The following MYO1C variants were observed in gnomAD, a reference collection of about 807,000 sequenced individuals.
The protein encoded by MYO1C is myosin IC.
A neutral mutation model predicts 150.8 loss-of-function variants in MYO1C; 104 were observed. The ratio of observed to expected loss-of-function variants is 0.69; its 90% CI spans 0.59 to 0.81. The LOEUF (loss-of-function observed/expected upper bound fraction) is 0.81. Among genes scored for constraint, MYO1C ranks in the 30% least tolerant of loss-of-function variants. MYO1C has a pLI of 0.00. For synonymous variants in MYO1C, 663 were observed against 579.9 expected, an observed-to-expected ratio of 1.14 and a Z score of -2.06; for missense variants, 1,504 against 1,435.0, an observed-to-expected ratio of 1.05 and a Z score of -0.78.
chr17:1,465,551 G>T lies in MYO1C; in HGVS notation c.*175C>A. 1.5e-6 allele frequency: 1 copy of T among 666,704 alleles called. No individual in the cohort carries two copies. Among genetic ancestry groups the T allele is most frequent in the Non-Finnish European group, 2.2e-6 (1 of 446,896 alleles). The allele number at this position is 666,704 out of a possible 1,614,324, so 41.3% of individuals were successfully genotyped here. ...CCCGGCCTGGCCCACTCCTGGGGTAGCTCCTGGCCCCTGCTGCTCCCTCAA... is the reference window on the plus strand; with the variant it reads ...CCCGGCCTGGCCCACTCCTGGGGTATCTCCTGGCCCCTGCTGCTCCCTCAA... On this transcript the variant is annotated 3_prime_UTR_variant, in exon 32 of 32. Coordinates refer to ENST00000648651, the MANE Select transcript of MYO1C (RefSeq NM_001080779.2).
At position 1,471,312 on chromosome 17, in the gene MYO1C, C is replaced by T. The variant is rs757819967; in HGVS notation, c.2046G>A (p.Thr682=). ...GCGGCCGTCCTGCCCACGTGGGCCA[C>T]GTCTCTGGGCACAGTGACTTGTACC... The part of the protein sequence containing the change: ...LQRYKSLCPE[T]WPTWAGRPQD... The change falls in exon 20 of 32, where the codon ACG becomes ACA. Residue 682 remains threonine (T), a synonymous_variant. Coordinates refer to ENST00000648651, the MANE Select transcript of MYO1C (RefSeq NM_001080779.2). 16 of 1,613,794 alleles carry T rather than the reference C, an allele frequency of 9.9e-6. No homozygotes were observed. Among genetic ancestry groups the T allele is most frequent in the South Asian group, 7.7e-5 (7 of 91,088 alleles).
In MYO1C at chr17:1,472,039, G is replaced by A; in HGVS notation, c.1904-15C>T. ...GTCAAAGCGGCCTGGGGTAGGGGGA[G>A]CGCCGTGGTCAGCGGGCTGGCGCTG... On this transcript the variant is annotated splice_polypyrimidine_tract_variant and intron_variant, in intron 18 of 31. Transcript: ENST00000648651. 1.2e-6 allele frequency: 2 copies of A among 1,613,716 alleles called. No homozygotes were observed. Among genetic ancestry groups the A allele is most frequent in the Non-Finnish European group, 1.7e-6 (2 of 1,179,798 alleles).
intron 1 of MYO1C, among the ~76,000 whole-genome samples, chr17:1,488,072 G>T (rs1471929232): frequency 1.3e-5 from 2 of 152,152 alleles, no homozygotes; most frequent in African/African-American, 4.8e-5. Context: ...CGCGAGGCGT[G>T]GGGGACTCGG....
intron 25 of MYO1C, 127 bp from the exon 26 acceptor site, chr17:1,468,623 A>T: frequency 9.4e-6 from 7 of 748,096 alleles, no homozygotes; most frequent in Non-Finnish European, 1.6e-5. Flanking sequence ...GCTCAGCACC[A>T]GGAGGCTGAG....
At position 1,482,973 on chromosome 17, in the gene MYO1C, C is replaced by A; in HGVS notation, c.434G>T (p.Gly145Val). 2.5e-6 allele frequency: 4 copies of A among 1,612,532 alleles called. No individual in the cohort carries two copies. The highest frequency in any genetic ancestry group is 3.4e-6 in the Non-Finnish European group (4 of 1,179,910). Residue 145 changes from glycine (G) to valine (V), a missense_variant, in exon 4 of 32, where the codon GGC (glycine) becomes GTC (valine). By Grantham distance (109) the Gly-to-Val change is moderately radical. Coordinates refer to ENST00000648651, the MANE Select transcript of MYO1C (RefSeq NM_001080779.2). ...AVMISGESGAGKTEATKRLLQ... is the reference protein window; with the variant it reads ...AVMISGESGAVKTEATKRLLQ... ...CAGCCTCTTGGTGGCCTCGGTCTTG[C>A]CTGCCCCGCTCTCCCCAGAGATCAT...
At chr17:1,474,752 A>G in intron 16 of MYO1C, 60 bp downstream of exon 16, 1 of 1,612,664 alleles carries the variant, frequency 6.2e-7, no homozygotes, top group Non-Finnish European at 8.5e-7. Flanking sequence ...GCTCCTGGAC[A>G]CAGGTGCAGA....
chr17:1,484,379 C>T, intron 1 of MYO1C, 76 bp from the exon 2 acceptor site: 1 of 1,563,046 alleles, frequency 6.4e-7, no homozygotes, highest in East Asian at 2.3e-5. Flanking sequence ...GCCTGTGGGA[C>T]TGAGAGGGAA....
Position 1,479,677 on chromosome 17 carries a change from A to T in MYO1C, c.935T>A (p.Leu312His), listed in dbSNP as rs2150954254. 3 of 1,613,096 alleles carry T rather than the reference A, an allele frequency of 1.9e-6. No homozygotes were observed. The highest frequency in any genetic ancestry group is 2.5e-6 in the Non-Finnish European group (3 of 1,179,686). Residue 312 changes from leucine to histidine, a missense_variant, in exon 8 of 32, where the codon CTT (leucine) becomes CAT (histidine). Leu to His is a moderately conservative substitution (Grantham distance 99). Coordinates refer to ENST00000648651, the MANE Select transcript of MYO1C (RefSeq NM_001080779.2). The surrounding 1 kb of genome is among the most constrained non-coding windows in gnomAD (Gnocchi z 4.2). ...EDLLSIVASV[L>H]HLGNIHFAAN... ...AGCAAAGTGGATGTTGCCCAAATGAAGGACGCTGGCCACGATGCTCAGCAG... is the reference window on the plus strand; with the variant it reads ...AGCAAAGTGGATGTTGCCCAAATGATGGACGCTGGCCACGATGCTCAGCAG...
chr17:1,470,812 A>C, intron 21 of MYO1C, 123 bp from the exon 22 acceptor site: 1 of 1,033,436 alleles, frequency 9.7e-7, no homozygotes, highest in South Asian at 1.3e-5. Flanking sequence ...GAGCAGGAGG[A>C]GAGTGGTGAA....
intron 1 of MYO1C, chr17:1,486,300 G>T (rs1014843382): frequency 3.9e-5 from 6 of 152,232 alleles, no homozygotes; most frequent in African/African-American, 1.4e-4. Flanking sequence ...GAAGATCTTG[G>T]TTTTCCTCGT....
intron 1 of MYO1C, chr17:1,491,498 C>T: frequency 2.1e-6 from 1 of 474,580 alleles, no homozygotes; most frequent in Non-Finnish European, 2.7e-6. Context: ...CCCAGCGATC[C>T]CCGGCCGTGA....
chr17:1,470,258 A>T lies in MYO1C; in HGVS notation c.2443T>A (p.Ser815Thr), dbSNP rs1303325409. ...NAFFLDHVRT[S>T]FLLNLRRQLP... ...TGCCGCCTCAGGTTTAGCAAAAAAG[A>T]GGTGCGCACATGGTCCAGGAAGAAG... Residue 815 changes from serine to threonine, a missense_variant, in exon 24 of 32, where the codon TCT becomes ACT. Ser to Thr is a moderately conservative substitution (Grantham distance 58). Coordinates refer to ENST00000648651, the MANE Select transcript of MYO1C (RefSeq NM_001080779.2). The T allele has an allele frequency of 7.5e-6, 12 of 1,598,464 alleles. No homozygotes were observed. Among genetic ancestry groups the T allele is most frequent in the African/African-American group, 2.8e-5 (2 of 72,258 alleles).
chr17:1,476,876 T>C (rs1288563068), intron 14 of MYO1C, among the ~76,000 whole-genome samples: 1 of 152,016 alleles, frequency 6.6e-6, no homozygotes, highest in Non-Finnish European at 1.5e-5. Context: ...TCTCACTCTG[T>C]CGCTCAGGCT....
chr17:1,480,640 C>G lies in MYO1C; in HGVS notation c.808-15G>C. The G allele has an allele frequency of 6.2e-7, 1 of 1,613,948 alleles. No individual in the cohort carries two copies. Among genetic ancestry groups the G allele is most frequent in the Non-Finnish European group, 8.5e-7 (1 of 1,179,874 alleles). On this transcript the variant is annotated splice_polypyrimidine_tract_variant and intron_variant, in intron 6 of 31. Coordinates refer to ENST00000648651, the MANE Select transcript of MYO1C (RefSeq NM_001080779.2). ...GCACACTGGCCCTGGAGGAAGGGCA[C>G]AGCTGGGTTGCCAGCCCTGGCACCA...
intron 21 of MYO1C, 36 bp from the exon 22 acceptor site, chr17:1,470,725 C>A (rs200568248): frequency 2.5e-6 from 4 of 1,586,598 alleles, no homozygotes; most frequent in South Asian, 1.1e-5. Context: ...GGCCAGAGCG[C>A]GGGGAGCCAG....
chr17:1,478,263 G>T lies in MYO1C; in HGVS notation c.1296-71C>A. 1.3e-6 allele frequency: 2 copies of T among 1,563,526 alleles called. No homozygotes were observed. Among genetic ancestry groups the T allele is most frequent in the Non-Finnish European group, 8.8e-7 (1 of 1,135,658 alleles). ...GACCAGGAGAGGGGAAAAGCTGGAC[G>T]ACGCCCCTGAGCACAGGAGGTGAGA... On this transcript the variant is annotated intron_variant, in intron 11 of 31. Transcript: ENST00000648651. The surrounding 1 kb of genome is among the most constrained non-coding windows in gnomAD (Gnocchi z 6.3).
At chr17:1,485,136 C>T in intron 1 of MYO1C, 1 of 1,209,192 alleles carries the variant, frequency 8.3e-7, no homozygotes, top group Non-Finnish European at 1.0e-6. Context: ...GAAAGCCCAG[C>T]TGCCTCTGGG....
intron 5 of MYO1C, among the ~76,000 whole-genome samples, chr17:1,481,470 C>T (rs1048839881): frequency 1.3e-5 from 2 of 152,116 alleles, no homozygotes; most frequent in African/African-American, 4.8e-5. Flanking sequence ...TTCGTCTACT[C>T]CCAATCTCCC....
intron 19 of MYO1C, among the ~76,000 whole-genome samples, 160 bp from the exon 20 acceptor site, chr17:1,471,496 C>T (rs538564520): frequency 6.6e-5 from 10 of 152,120 alleles, no homozygotes; most frequent in Non-Finnish European, 1.3e-4. Flanking sequence ...ATGAAGAAAC[C>T]GTTCTTATCT....
Sources: allele counts gnomAD v4.1 joint callset (sites outside exome capture counted in the v4.1 genomes callset), GRCh38; gene constraint gnomAD v4.1.1; non-coding constraint Gnocchi (gnomAD v3.1); transcripts MANE v1.5; gene names NCBI Gene and HGNC (gene_info 2026-07-23, HGNC 2026-07-21).